APOL4: variants seen among roughly 807,000 people sequenced by gnomAD.
The protein encoded by APOL4 is apolipoprotein L4, also known as apolipoprotein L, 4.
Under a neutral mutation model 12.1 loss-of-function variants are expected in APOL4, and 14 were observed. That is an observed-to-expected ratio of 1.16 (90% confidence interval 0.76 to 1.81). The LOEUF is 1.81. APOL4 is among the 40% of genes most tolerant of loss of function. The pLI is 0.00. For missense variants in APOL4, 432 were observed against 423.1 expected, an observed-to-expected ratio of 1.02 and a Z score of -0.18; for synonymous variants, 171 against 160.6, an observed-to-expected ratio of 1.06 and a Z score of -0.49.
rs370016348 is a variant in APOL4, at chr22:36,201,725, A to T, written c.10T>A (p.Trp4Arg). 586 of 1,608,476 alleles carry T rather than the reference A, an allele frequency of 3.6e-4. 3 individuals are homozygous for T. The highest frequency in any genetic ancestry group is 3.3e-3 in the South Asian group (295 of 89,540). Residue 4 changes from tryptophan to arginine, a missense_variant, in exon 1 of 4, where the codon TGG becomes AGG. Trp to Arg is a moderately radical substitution (Grantham distance 101). Coordinates refer to ENST00000683024, the MANE Select transcript of APOL4 (RefSeq NM_001386885.1). MGS[W>R]VQLITSVGVQ... ...CCGACGCTTGTGATGAGCTGCACCC[A>T]GGATCCCATCCTCCTTGGTCATTGT...
intron 3 of APOL4, among the ~76,000 whole-genome samples, chr22:36,192,354 A>T (rs1199184762): frequency 1.3e-5 from 2 of 152,152 alleles, no homozygotes; most frequent in East Asian, 3.8e-4. Context: ...AAAAATAATA[A>T]TAATAATTCT....
At chr22:36,201,455 G>A (rs2014572667) in intron 1 of APOL4, 1 of 893,116 alleles carries the variant, frequency 1.1e-6, no homozygotes, top group African/African-American at 1.9e-5. Context: ...TGCAACAAGG[G>A]TAAAAGGGGG....
At position 36,191,506 on chromosome 22, in the gene APOL4, C is replaced by A. The variant is rs1603477415; in HGVS notation, c.616G>T (p.Ala206Ser). Residue 206 changes from alanine to serine, a missense_variant, in exon 4 of 4, where the codon GCA becomes TCA. Ala to Ser is a moderately conservative substitution (Grantham distance 99). Coordinates refer to ENST00000683024, the MANE Select transcript of APOL4 (RefSeq NM_001386885.1). ...SAELTASRLT[A>S]TSTDQLEALR... Reference sequence around the variant, plus strand: ...GCCTCCAATTGGTCAGTGCTGGTTGCAGTCAGCCTGCTGGCTGTGAGTTCT... The same window carrying A: ...GCCTCCAATTGGTCAGTGCTGGTTGAAGTCAGCCTGCTGGCTGTGAGTTCT... The A allele has an allele frequency of 6.2e-7, 1 of 1,614,068 alleles. No individual in the cohort carries two copies. Among genetic ancestry groups the A allele is most frequent in the East Asian group, 2.2e-5 (1 of 44,890 alleles).
chr22:36,198,757 A>G (rs1318670449), intron 2 of APOL4, among the ~76,000 whole-genome samples: 1 of 152,148 alleles, frequency 6.6e-6, no homozygotes, highest in Non-Finnish European at 1.5e-5. Flanking sequence ...AGGAGTAAGG[A>G]GCTCCAGGTC....
Position 36,199,383 on chromosome 22 carries a change from G to A in APOL4, c.36-7C>T. On this transcript the variant is annotated splice_region_variant and splice_polypyrimidine_tract_variant and intron_variant, in intron 1 of 3. Coordinates refer to ENST00000683024, the MANE Select transcript of APOL4 (RefSeq NM_001386885.1). ...TGGATGGTTTTGCTGCACCCTTGAG[G>A]AAGAGAAAACAAATTGTGGGATTGA... 2 of 1,614,084 alleles carry A rather than the reference G, an allele frequency of 1.2e-6. No individual in the cohort carries two copies. Among genetic ancestry groups the A allele is most frequent in the East Asian group, 4.5e-5 (2 of 44,888 alleles).
intron 2 of APOL4, among the ~76,000 whole-genome samples, chr22:36,196,722 T>G (rs1164813239): frequency 1.3e-5 from 2 of 152,110 alleles, no homozygotes; most frequent in Non-Finnish European, 2.9e-5. Flanking sequence ...TCATTCTCAT[T>G]TCACAGAAGG....
At position 36,191,183 on chromosome 22, in the gene APOL4, G is replaced by C. The variant is rs746511247; in HGVS notation, c.939C>G (p.His313Gln). The C allele has an allele frequency of 1.1e-5, 18 of 1,613,370 alleles. No individual in the cohort carries two copies. The highest frequency in any genetic ancestry group is 1.6e-4 in the Middle Eastern group (1 of 6,078). ...CAGCAGACTCGGATTTTGCCCCCTT[G>C]TGCAAGTCCAGTGAGTCTTGCACAA... The part of the protein sequence containing the change: ...VNLVQDSLDL[H>Q]KGAKSESAES... The change falls in exon 4 of 4, where the codon CAC becomes CAG. Residue 313 changes from histidine to glutamine, a missense_variant. Physicochemically the swap from His to Gln is conservative, Grantham distance 24 (BLOSUM62 0). Transcript: ENST00000683024.
rs753129069 is a variant in APOL4, at chr22:36,191,462, A to T, written c.660T>A (p.Arg220=). The change falls in exon 4 of 4, where the codon CGT becomes CGA. Residue 220 remains arginine, a synonymous_variant. Coordinates refer to ENST00000683024, the MANE Select transcript of APOL4 (RefSeq NM_001386885.1). The part of the protein sequence containing the change: ...DQLEALRDIL[R]DITPNVLSFA... Reference sequence around the variant, plus strand: ...AAGAAAGCACATTGGGTGTGATGTCACGCAGAATGTCCCTTAATGCCTCCA... The same window carrying T: ...AAGAAAGCACATTGGGTGTGATGTCTCGCAGAATGTCCCTTAATGCCTCCA... 1 of 1,614,082 alleles carries T rather than the reference A, an allele frequency of 6.2e-7. No homozygotes were observed. The highest frequency in any genetic ancestry group is 8.5e-7 in the Non-Finnish European group (1 of 1,179,900).
At chr22:36,196,108 G>A (rs914878829) in intron 2 of APOL4, among the ~76,000 whole-genome samples, 7 of 152,298 alleles carry the variant, frequency 4.6e-5, no homozygotes, top group South Asian at 2.1e-4. Flanking sequence ...CCCCATGTAC[G>A]GGAAATATTC....
At chr22:36,195,774 TCTCA>T (rs1263786938) in intron 2 of APOL4, among the ~76,000 whole-genome samples, 421 of 65,936 alleles carry the variant, frequency 6.4e-3, no homozygotes, top group Middle Eastern at 9.3e-3. Flanking sequence ...TCTCTCTCTC[TCTCA>T]CACACACACA....
chr22:36,200,818 G>A (rs972252301), intron 1 of APOL4, among the ~76,000 whole-genome samples: 1 of 152,070 alleles, frequency 6.6e-6, no homozygotes, highest in Non-Finnish European at 1.5e-5. Flanking sequence ...TCTTTATCAG[G>A]ACAAAAAATA....
intron 3 of APOL4, among the ~76,000 whole-genome samples, chr22:36,192,167 C>A (rs1282514112): frequency 6.6e-6 from 1 of 152,038 alleles, no homozygotes; most frequent in East Asian, 1.9e-4. Context: ...GGTGAAACCC[C>A]GTCTCTACTA....
rs186834019 is a variant in APOL4, at chr22:36,200,054, G to C, written c.36-678C>G. On this transcript the variant is annotated intron_variant, in intron 1 of 3. Coordinates refer to ENST00000683024, the MANE Select transcript of APOL4 (RefSeq NM_001386885.1). ...GATCTCCTGACCTCATGATCAGCCC[G>C]TCTCGGCCTCCCAAAGTGCTGGGAT... Among the ~76,000 whole-genome samples the C allele has an allele frequency of 5.9e-5, 9 of 151,618 alleles. No homozygotes were observed. In the South Asian group the frequency reaches 1.0e-3, roughly 18 times the overall value.
chr22:36,198,593 C>T (rs1331701296), intron 2 of APOL4, among the ~76,000 whole-genome samples: 1 of 152,144 alleles, frequency 6.6e-6, no homozygotes, highest in Non-Finnish European at 1.5e-5. Context: ...AAGGGGGTGG[C>T]TTCCACTTAC....
upstream of APOL4, among the ~76,000 whole-genome samples, chr22:36,204,086 G>A (rs563688975): frequency 7.5e-4 from 114 of 152,276 alleles, no homozygotes; most frequent in Non-Finnish European, 1.2e-3. Context: ...CAGGGCCTCA[G>A]TTTCCCCACA....
chr22:36,200,211 A>G (rs2146947693), intron 1 of APOL4, among the ~76,000 whole-genome samples: 1 of 152,334 alleles, frequency 6.6e-6, no homozygotes, highest in African/African-American at 2.4e-5. Context: ...CACAAAAGTT[A>G]GGGAACTTGC....
rs1267090342 is a variant in APOL4, at chr22:36,194,097, C to G, written c.209+1214G>C. Among the ~76,000 whole-genome samples, 2 of 152,160 alleles carry G rather than the reference C, an allele frequency of 1.3e-5. 1 individual carries two copies. The highest frequency in any genetic ancestry group is 4.8e-5 in the African/African-American group (2 of 41,426). The stretch of plus-strand genomic sequence containing the variant: ...AAGATGGTAGAGAAAGTGTTTTTCT[C>G]TTTGGTTGGGGACTTGTGAGTCTTC... On this transcript the variant is annotated intron_variant, in intron 3 of 3. Transcript: ENST00000683024.
upstream of APOL4, among the ~76,000 whole-genome samples, chr22:36,203,568 A>G (rs2014645109): frequency 6.6e-6 from 1 of 152,240 alleles, no homozygotes; most frequent in Admixed American, 6.5e-5. Context: ...ATTAATCAGC[A>G]GTAACAATTG....
intron 1 of APOL4, chr22:36,199,711 C>T (rs2146946969): frequency 6.9e-7 from 1 of 1,456,778 alleles, no homozygotes; most frequent in East Asian, 2.5e-5. Flanking sequence ...AAGGAACGTT[C>T]TAACAATGAC....
Sources: gnomAD v4.1 joint callset for allele counts (sites outside exome capture counted in the v4.1 genomes callset) on GRCh38, gnomAD v4.1.1 for gene constraint, MANE v1.5 for transcripts, NCBI Gene and HGNC (gene_info 2026-07-23, HGNC 2026-07-21) for gene names.